ECPAS: variants seen among roughly 807,000 people sequenced by gnomAD.
ECPAS encodes the protein proteasome adapter and scaffold protein ECM29.
Under a neutral mutation model 255.1 loss-of-function variants are expected in ECPAS, and 70 were observed. That is an observed-to-expected ratio of 0.27 (90% confidence interval 0.23 to 0.33). ECPAS has a LOEUF of 0.33. ECPAS is among the 10% of genes least tolerant of loss of function. The pLI is 1.00. For missense variants in ECPAS, 1,817 were observed against 2,206.4 expected, an observed-to-expected ratio of 0.82 and a Z score of 3.54; for synonymous variants, 784 against 775.0, an observed-to-expected ratio of 1.01 and a Z score of -0.19.
rs1047308509 is a variant in ECPAS at position 111,361,837 on chromosome 9, C to G, written c.*193G>C. 1 of 555,022 alleles carries G rather than the reference C, an allele frequency of 1.8e-6. No homozygotes were observed. The highest frequency in any genetic ancestry group is 2.9e-6 in the Non-Finnish European group (1 of 340,382). The allele number at this position is 555,022 out of a possible 1,614,324, so 34.4% of individuals were successfully genotyped here. On this transcript the variant is annotated 3_prime_UTR_variant, in exon 50 of 50. Coordinates refer to ENST00000684092, the MANE Select transcript of ECPAS (RefSeq NM_001364929.1). ...CAAGGTTCCATTAAGCTCACTCAGC[C>G]CAGATACTTTAAAAACATAAAGTAA...
Position 111,369,034 on chromosome 9 carries a change from C to T in ECPAS, c.5113+1G>A. 6.4e-7 allele frequency: 1 copy of T among 1,572,248 alleles called. No individual in the cohort carries two copies. The highest frequency in any genetic ancestry group is 8.6e-7 in the Non-Finnish European group (1 of 1,165,684). ...CTTCAAATGCAGTTTCTGGTGCTTA[C>T]GTTGGGTCTCCGCGTTTCGCGGCCA... is the stretch of plus-strand genomic sequence containing the variant. On this transcript the variant is annotated splice_donor_variant, in intron 46 of 49. Coordinates refer to ENST00000684092, the MANE Select transcript of ECPAS (RefSeq NM_001364929.1). LOFTEE classifies it high-confidence loss of function.
rs751687233 is a variant in ECPAS at position 111,407,428 on chromosome 9, A to AAAAAAAAAAAAAAAAAAAAAAG, written c.2652+1142_2652+1143insCTTTTTTTTTTTTTTTTTTTTT. Among the ~76,000 whole-genome samples the AAAAAAAAAAAAAAAAAAAAAAG allele has an allele frequency of 3.8e-4, 38 of 98,826 alleles. 6 individuals are homozygous for AAAAAAAAAAAAAAAAAAAAAAG. Among genetic ancestry groups the AAAAAAAAAAAAAAAAAAAAAAG allele is most frequent in the Non-Finnish European group, 8.3e-4 (32 of 38,760 alleles). The allele number at this position is 98,826 out of a possible 152,430, so 64.8% of individuals were successfully genotyped here. A position where few individuals can be genotyped will look rare whatever the true frequency, so the allele number is the denominator to read the frequency against. ...GAAAAAAAAAAAAAAAAAAAAAAAA[A>AAAAAAAAAAAAAAAAAAAAAAG]AAAAAAAAAACCTAGAAGAAACCCA... On this transcript the variant is annotated intron_variant, in intron 24 of 49. Transcript: ENST00000684092.
At position 111,414,005 on chromosome 9, in the gene ECPAS, T is replaced by C; in HGVS notation, c.1988-19A>G. On this transcript the variant is annotated intron_variant, in intron 19 of 49. Coordinates refer to ENST00000684092, the MANE Select transcript of ECPAS (RefSeq NM_001364929.1). ...GGCAAACCTAAATAAGAATTCAGAA[T>C]CACCTTAAATTTCAAGAAAAGTAAT... The C allele has an allele frequency of 6.6e-7, 1 of 1,514,072 alleles. No individual in the cohort carries two copies. Among genetic ancestry groups the C allele is most frequent in the Non-Finnish European group, 9.0e-7 (1 of 1,113,492 alleles). 93.8% of individuals were successfully genotyped at this position (1,514,072 alleles called of 1,614,324 possible).
At chr9:111,400,387 T>A (rs955741912) in intron 24 of ECPAS, among the ~76,000 whole-genome samples, 1 of 152,176 alleles carries the variant, frequency 6.6e-6, no homozygotes, top group African/African-American at 2.4e-5. Flanking sequence ...ATCGAGGACA[T>A]TTGAGAAAAC....
At chr9:111,475,384 TCTCA>T (rs1229599527) in intron 1 of ECPAS, among the ~76,000 whole-genome samples, 1 of 152,200 alleles carries the variant, frequency 6.6e-6, no homozygotes, top group Non-Finnish European at 1.5e-5. Context: ...TGCCAACTAT[TCTCA>T]CTGACAATGG....
intron 2 of ECPAS, among the ~76,000 whole-genome samples, chr9:111,458,035 TA>T (rs1213760777): frequency 3.3e-5 from 5 of 152,146 alleles, no homozygotes; most frequent in African/African-American, 1.2e-4. Flanking sequence ...AAACACACAT[TA>T]AAAAAGTATA....
intron 21 of ECPAS, chr9:111,411,535 AC>A (rs2131724994): frequency 5.5e-6 from 1 of 183,028 alleles, no homozygotes; most frequent in East Asian, 1.4e-4. Flanking sequence ...AAGACAATAA[AC>A]AGATCCTATT....
At chr9:111,408,333 C>T (rs1220911565) in intron 24 of ECPAS, among the ~76,000 whole-genome samples, 2 of 152,134 alleles carry the variant, frequency 1.3e-5, no homozygotes, top group African/African-American at 4.8e-5. Context: ...CCCCTTCTAC[C>T]CACACTGCAC....
intron 19 of ECPAS, 73 bp from the exon 20 acceptor site, chr9:111,414,059 A>G: frequency 1.0e-6 from 1 of 996,120 alleles, no homozygotes; most frequent in Non-Finnish European, 1.5e-6. Flanking sequence ...AAATTCCTTT[A>G]AAGTATAAGG....
chr9:111,417,871 T>G lies in ECPAS; in HGVS notation c.1683+12A>C. 2 of 1,544,692 alleles carry G rather than the reference T, an allele frequency of 1.3e-6. No homozygotes were observed. Among genetic ancestry groups the G allele is most frequent in the South Asian group, 1.2e-5 (1 of 81,030 alleles). On this transcript the variant is annotated intron_variant, in intron 17 of 49. Coordinates refer to ENST00000684092, the MANE Select transcript of ECPAS (RefSeq NM_001364929.1). ...ATGATTTAGACTAATTACCTTAAGTTGCATGCCATACCTTTTCTTGGATGT... is the reference window on the plus strand; with the variant it reads ...ATGATTTAGACTAATTACCTTAAGTGGCATGCCATACCTTTTCTTGGATGT...
At chr9:111,472,853 C>T (rs765830252) in intron 2 of ECPAS, 44 bp downstream of exon 2, 14 of 652,976 alleles carry the variant, frequency 2.1e-5, no homozygotes, top group Non-Finnish European at 2.9e-5. Context: ...TTAAATGCTG[C>T]TACAAAAAAA....
chr9:111,387,525 CAG>C (rs1365297808), intron 31 of ECPAS, among the ~76,000 whole-genome samples: 2 of 151,502 alleles, frequency 1.3e-5, no homozygotes, highest in Non-Finnish European at 2.9e-5. Context: ...TATTGAGGGA[CAG>C]AGTCTCACTC....
intron 1 of ECPAS, among the ~76,000 whole-genome samples, chr9:111,478,356 G>T (rs566017774): frequency 6.6e-6 from 1 of 151,710 alleles, no homozygotes; most frequent in South Asian, 2.1e-4. Flanking sequence ...GTGAAACCCC[G>T]TCTCTACTAA....
At chr9:111,454,306 G>T (rs972594130) in intron 2 of ECPAS, among the ~76,000 whole-genome samples, 1 of 137,888 alleles carries the variant, frequency 7.3e-6, no homozygotes, top group East Asian at 2.6e-4. Context: ...ACGGTGGGGG[G>T]AGATGGGGGG....
At chr9:111,438,797 C>T (rs978526334) in intron 6 of ECPAS, among the ~76,000 whole-genome samples, 38 of 152,098 alleles carry the variant, frequency 2.5e-4, no homozygotes, top group African/African-American at 8.0e-4. Context: ...TGACTGAAGG[C>T]CCAGAAAATT....
At chr9:111,482,732 T>C (rs1303252794) in intron 1 of ECPAS, among the ~76,000 whole-genome samples, 2 of 152,080 alleles carry the variant, frequency 1.3e-5, no homozygotes, top group African/African-American at 2.4e-5. Flanking sequence ...ACATGTCCTA[T>C]GTCCTATGAA....
intron 2 of ECPAS, among the ~76,000 whole-genome samples, chr9:111,451,789 C>G (rs998249838): frequency 6.6e-6 from 1 of 152,138 alleles, no homozygotes; most frequent in Non-Finnish European, 1.5e-5. Context: ...ACAAAAAGTT[C>G]TCTCCCACAT....
At chr9:111,410,490 G>C (rs1020287817) in intron 22 of ECPAS, among the ~76,000 whole-genome samples, 1 of 151,946 alleles carries the variant, frequency 6.6e-6, no homozygotes, top group African/African-American at 2.4e-5. Context: ...AAAAAATAGA[G>C]TGCTTTCATT....
At chr9:111,478,688 T>C (rs1190703380) in intron 1 of ECPAS, among the ~76,000 whole-genome samples, 17 of 152,150 alleles carry the variant, frequency 1.1e-4, no homozygotes, top group Admixed American at 1.1e-3. Context: ...AGGCAGAAAA[T>C]GTTCATTTGA....
Sources: allele counts gnomAD v4.1 joint callset (sites outside exome capture counted in the v4.1 genomes callset), GRCh38; gene constraint gnomAD v4.1.1; transcripts MANE v1.5; gene names NCBI Gene and HGNC (gene_info 2026-07-23, HGNC 2026-07-21).